Variants in KNTC1 observed in about 807,000 individuals in gnomAD.
KNTC1 encodes kinetochore associated 1.
A neutral mutation model predicts 314.4 loss-of-function variants in KNTC1; 253 were observed. The ratio of observed to expected loss-of-function variants is 0.80; its 90% CI spans 0.73 to 0.89. The LOEUF is 0.89. Ranked by LOEUF, KNTC1 falls within the 40% of genes least tolerant of loss-of-function variation. The pLI is 0.00. For missense variants in KNTC1, 2,475 were observed against 2,572.9 expected (o/e 0.96, Z 0.82); for synonymous variants, 901 against 901.4 (o/e 1.00, Z 0.01).
intron 22 of KNTC1, among the ~76,000 whole-genome samples, 191 bp from the exon 23 acceptor site, chr12:122,570,685 A>G (rs935967807): frequency 6.6e-6 from 1 of 152,138 alleles, no homozygotes; most frequent in South Asian, 2.1e-4. Flanking sequence ...GCTTGCCTGT[A>G]TCAATGCATC....
chr12:122,573,323 C>T, intron 26 of KNTC1, 38 bp downstream of exon 26: 3 of 1,576,310 alleles, frequency 1.9e-6, no homozygotes, highest in Non-Finnish European at 2.6e-6. Context: ...TTTCTTGGAT[C>T]TATGCAGTGT....
chr12:122,619,395 C>T (rs1457118223), intron 59 of KNTC1, among the ~76,000 whole-genome samples: 1 of 148,548 alleles, frequency 6.7e-6, no homozygotes, highest in Non-Finnish European at 1.5e-5. Context: ...AGATGTGAGG[C>T]ACTGCGCCCA....
chr12:122,620,828 A>G (rs1026596295), intron 60 of KNTC1, among the ~76,000 whole-genome samples: 5 of 152,180 alleles, frequency 3.3e-5, no homozygotes, highest in Non-Finnish European at 5.9e-5. Flanking sequence ...CTTATTGTCT[A>G]TCAGTGGGGA....
chr12:122,541,477 G>A lies in KNTC1; in HGVS notation c.446-573G>A, dbSNP rs772547908. Among the ~76,000 whole-genome samples, 3 of 151,352 alleles carry A rather than the reference G, an allele frequency of 2.0e-5. 1 individual carries two copies. The highest frequency in any genetic ancestry group is 4.4e-5 in the Non-Finnish European group (3 of 67,896). On this transcript the variant is annotated intron_variant, in intron 5 of 63. Transcript: ENST00000333479. ...TTCTCCTGCCTCAGCCTCCTGAGTA[G>A]CTGGGACTACAGGCACGCACCACCA...
chr12:122,605,289 T>G lies in KNTC1; in HGVS notation c.5387-17T>G. ...TTAAAACTTGAGTTTTTCTTTTCTT[T>G]ATTTTGAATATCTTAGATATTCATG... On this transcript the variant is annotated splice_polypyrimidine_tract_variant and intron_variant, in intron 50 of 63. Transcript: ENST00000333479. 1.3e-6 allele frequency: 2 copies of G among 1,488,302 alleles called. No individual in the cohort carries two copies. Among genetic ancestry groups the G allele is most frequent in the Admixed American group, 2.1e-5 (1 of 47,388 alleles). The allele number at this position is 1,488,302 out of a possible 1,614,324, so 92.2% of individuals were successfully genotyped here. A position where few individuals can be genotyped will look rare whatever the true frequency, so the allele number is the denominator to read the frequency against.
rs758123001 is a variant in KNTC1, at chr12:122,547,929, A to G, written c.947A>G (p.Asn316Ser). ...PSSVTWQGITNLKLIALTASA... is the reference protein window; with the variant it reads ...PSSVTWQGITSLKLIALTASA... ...TTCTCTTTTAGGCAAGGAATTACAAATCTCAAATTAATAGCTCTGACAGCT... is the reference window on the plus strand; with the variant it reads ...TTCTCTTTTAGGCAAGGAATTACAAGTCTCAAATTAATAGCTCTGACAGCT... Residue 316 changes from asparagine (N) to serine (S), a missense_variant, in exon 12 of 64, where the codon AAT becomes AGT. Physicochemically the swap from Asn to Ser is conservative, Grantham distance 46. Transcript: ENST00000333479. The G allele has an allele frequency of 8.4e-6, 13 of 1,546,324 alleles. No individual in the cohort carries two copies. The highest frequency in any genetic ancestry group is 4.4e-5 in the Admixed American group (2 of 45,260).
At position 122,574,283 on chromosome 12, in the gene KNTC1, AT is replaced by A; in HGVS notation, c.2288del (p.Leu763TyrfsTer2). Reference protein sequence around the residue: ...EEELLLLYIEDLLNRCSSKST... With the variant: ...EEELLLLYIEXLLNRCSSKST... ...ACATACATGTTTATCCCTTTTTAGG[AT>A]TTACTGAATAGATGCAGCTCAAAGT... On this transcript the variant is annotated frameshift_variant and splice_region_variant, in exon 27 of 64. Transcript: ENST00000333479. LOFTEE classifies it high-confidence loss of function. 3 of 1,584,818 alleles carry A rather than the reference AT, an allele frequency of 1.9e-6. No individual in the cohort carries two copies. The highest frequency in any genetic ancestry group is 2.6e-6 in the Non-Finnish European group (3 of 1,162,114).
chr12:122,585,646 G>A lies in KNTC1; in HGVS notation c.3545G>A (p.Gly1182Glu), dbSNP rs771751080. The A allele has an allele frequency of 6.2e-7, 1 of 1,613,746 alleles. No homozygotes were observed. Among genetic ancestry groups the A allele is most frequent in the Non-Finnish European group, 8.5e-7 (1 of 1,179,818 alleles). The stretch of plus-strand genomic sequence containing the variant: ...TGATTTGGCACCTAGGCTTCTTTTG[G>A]GACACATAAAGATCCATATGAAGAG... ...DCGILMKASF[G>E]THKDPYEEWS... is the part of the protein sequence containing the mutation. Residue 1182 changes from glycine (G) to glutamate (E), a missense_variant, in exon 37 of 64, where the codon GGG becomes GAG. Transcript: ENST00000333479.
chr12:122,543,412 G>A (rs1962500824), intron 6 of KNTC1, among the ~76,000 whole-genome samples, 188 bp from the exon 7 acceptor site: 1 of 152,192 alleles, frequency 6.6e-6, no homozygotes, highest in African/African-American at 2.4e-5. Context: ...TAGGTATGGA[G>A]AGGTACTGGC....
Position 122,575,794 on chromosome 12 carries a change from T to C in KNTC1, c.2487-6T>C, listed in dbSNP as rs777403842. On this transcript the variant is annotated splice_polypyrimidine_tract_variant and splice_region_variant and intron_variant, in intron 28 of 63. Coordinates refer to ENST00000333479, the MANE Select transcript of KNTC1 (RefSeq NM_014708.6). ...TCCATGTTAATATGGGTAAATTTGC[T>C]TTCAGAGTCAAGTTATTACAGGAAA... is the stretch of plus-strand genomic sequence containing the variant. 2 of 1,610,398 alleles carry C rather than the reference T, an allele frequency of 1.2e-6. No individual in the cohort carries two copies. Among genetic ancestry groups the C allele is most frequent in the South Asian group, 2.2e-5 (2 of 90,518 alleles).
intron 21 of KNTC1, among the ~76,000 whole-genome samples, chr12:122,569,160 C>G (rs1307752988): frequency 1.3e-5 from 2 of 151,762 alleles, no homozygotes; most frequent in African/African-American, 4.8e-5. Flanking sequence ...AAAAGTTAAC[C>G]AAAAAAAGAG....
At position 122,620,523 on chromosome 12, in the gene KNTC1, A is replaced by G; in HGVS notation, c.6194A>G (p.Gln2065Arg). Residue 2065 changes from glutamine to arginine, a missense_variant, in exon 60 of 64, where the codon CAG (glutamine) becomes CGG (arginine). By Grantham distance (43) the Gln-to-Arg change is conservative. Transcript: ENST00000333479. ...CTTGACCTGATCGGAGTCGCCAGGC[A>G]GTATATCCAGTTAGAACTTCCGGCT... ...GDLDLIGVAR[Q>R]YIQLELPAFA... 1.2e-6 allele frequency: 2 copies of G among 1,613,594 alleles called. No homozygotes were observed. Among genetic ancestry groups the G allele is most frequent in the Non-Finnish European group, 1.7e-6 (2 of 1,179,626 alleles).
At chr12:122,596,709 G>C (rs1047280538) in intron 43 of KNTC1, among the ~76,000 whole-genome samples, 3 of 151,990 alleles carry the variant, frequency 2.0e-5, no homozygotes, top group African/African-American at 7.2e-5. Context: ...AAGTGTTGTG[G>C]CGCATGCTTG....
intron 10 of KNTC1, 86 bp from the exon 11 acceptor site, chr12:122,547,329 C>T (rs188931064): frequency 3.7e-5 from 27 of 734,264 alleles, no homozygotes; most frequent in Admixed American, 1.1e-4. Flanking sequence ...GAGCCGAGAT[C>T]GCACCATTGC....
chr12:122,568,252 T>G lies in KNTC1; in HGVS notation c.1605-9T>G. On this transcript the variant is annotated splice_polypyrimidine_tract_variant and intron_variant, in intron 20 of 63. Coordinates refer to ENST00000333479, the MANE Select transcript of KNTC1 (RefSeq NM_014708.6). Reference sequence around the variant, plus strand: ...AAAACTGACTTTTTTCCCTTCTTTGTCTATTCAGTGGCAGTTCTTGGATTG... The same window carrying G: ...AAAACTGACTTTTTTCCCTTCTTTGGCTATTCAGTGGCAGTTCTTGGATTG... The G allele has an allele frequency of 7.6e-7, 1 of 1,313,254 alleles. No homozygotes were observed. Among genetic ancestry groups the G allele is most frequent in the Non-Finnish European group, 1.1e-6 (1 of 920,676 alleles). 81.4% of individuals were successfully genotyped at this position (1,313,254 alleles called of 1,614,324 possible).
intron 38 of KNTC1, among the ~76,000 whole-genome samples, chr12:122,587,188 A>T (rs1869471455): frequency 6.6e-6 from 1 of 152,144 alleles, no homozygotes; most frequent in Non-Finnish European, 1.5e-5. Context: ...CTGAGGTGGG[A>T]GGATCTCTTG....
In KNTC1 at chr12:122,603,151, T is replaced by A; in HGVS notation, c.5009T>A (p.Ile1670Asn). ...STLINKEITK[I>N]TQTIESCLLS... The stretch of plus-strand genomic sequence containing the variant: ...CTGATTAACAAGGAAATAACTAAGA[T>A]CACGCAGACCATCGAATCCTGCTTA... Residue 1670 changes from isoleucine (I) to asparagine (N), a missense_variant, in exon 48 of 64, where the codon ATC becomes AAC. Coordinates refer to ENST00000333479, the MANE Select transcript of KNTC1 (RefSeq NM_014708.6). 1 of 1,613,466 alleles carries A rather than the reference T, an allele frequency of 6.2e-7. No homozygotes were observed. The highest frequency in any genetic ancestry group is 8.5e-7 in the Non-Finnish European group (1 of 1,179,764).
intron 38 of KNTC1, among the ~76,000 whole-genome samples, chr12:122,587,414 G>A (rs933198959): frequency 9.2e-5 from 14 of 152,066 alleles, no homozygotes; most frequent in African/African-American, 2.4e-4. Context: ...ATGTGATTTG[G>A]CTTATAGTGT....
intron 16 of KNTC1, among the ~76,000 whole-genome samples, chr12:122,557,136 T>A (rs1963654639): frequency 1.3e-5 from 2 of 152,166 alleles, no homozygotes; most frequent in South Asian, 4.1e-4. Flanking sequence ...TTAGCTCATA[T>A]AAAGCTCTTA....
Sources: gnomAD v4.1 joint callset for allele counts (sites outside exome capture counted in the v4.1 genomes callset) on GRCh38, gnomAD v4.1.1 for gene constraint, MANE v1.5 for transcripts, NCBI Gene and HGNC (gene_info 2026-07-23, HGNC 2026-07-21) for gene names.